NOM1: variants seen among roughly 807,000 people sequenced by gnomAD.
NOM1 encodes the protein nucleolar protein with MIF4G domain 1.
A neutral mutation model predicts 73.3 loss-of-function variants in NOM1; 58 were observed. The ratio of observed to expected loss-of-function variants is 0.79; its 90% confidence interval spans 0.64 to 0.99. The LOEUF is 0.99. NOM1 is among the 50% of genes least tolerant of loss of function. NOM1 has a pLI of 0.00. For missense variants in NOM1, 1,226 were observed against 1,131.9 expected, an observed-to-expected ratio of 1.08 and a Z score of -1.19; for synonymous variants, 487 against 446.8, an observed-to-expected ratio of 1.09 and a Z score of -1.14.
chr7:156,969,760 C>G lies in NOM1; in HGVS notation c.*57C>G. The G allele has an allele frequency of 6.6e-7, 1 of 1,518,856 alleles. No homozygotes were observed. 94.1% of individuals were successfully genotyped at this position (1,518,856 alleles called of 1,614,324 possible). A position where few individuals can be genotyped will look rare whatever the true frequency, so the allele number is the denominator to read the frequency against. On this transcript the variant is annotated 3_prime_UTR_variant, in exon 11 of 11. Coordinates refer to ENST00000275820, the MANE Select transcript of NOM1 (RefSeq NM_138400.2). ...GACTGTAAAATGTCCTTGGTAAACC[C>G]AAAGGCTTATTCTGTTGCCTGCGTG...
chr7:156,959,134 G>T (rs964506056), intron 3 of NOM1, among the ~76,000 whole-genome samples: 4 of 149,382 alleles, frequency 2.7e-5, no homozygotes, highest in African/African-American at 9.9e-5. Context: ...ACAGAGTCTT[G>T]CTCTGTCGCC....
In NOM1 at chr7:156,964,018, G is replaced by C; in HGVS notation, c.2025G>C (p.Lys675Asn). ...TSEDFLDAFEKLLKLGLKDQQ... is the reference protein window; with the variant it reads ...TSEDFLDAFENLLKLGLKDQQ... ...AAGATTTTTTGGATGCTTTTGAAAA[G>C]CTTCTGAAGTAAGCATTTGTGTGCA... Residue 675 changes from lysine (K) to asparagine (N), a missense_variant, in exon 7 of 11, where the codon AAG (lysine) becomes AAC (asparagine). Transcript: ENST00000275820. 3 of 1,613,102 alleles carry C rather than the reference G, an allele frequency of 1.9e-6. No individual in the cohort carries two copies. Among genetic ancestry groups the C allele is most frequent in the Non-Finnish European group, 2.5e-6 (3 of 1,179,514 alleles).
At position 156,968,685 on chromosome 7, in the gene NOM1, TTTTATATATATATATATATATATATATA is replaced by T. The variant is rs1805064585; in HGVS notation, c.2299-400_2299-373del. On this transcript the variant is annotated intron_variant, in intron 9 of 10. Coordinates refer to ENST00000275820, the MANE Select transcript of NOM1 (RefSeq NM_138400.2). Reference sequence around the variant, plus strand: ...TATGGATTAGTCTTCTAGAAGTAAATTTTATATATATATATATATATATATATATATATATATATATATATATAGTTTT... The same window carrying T: ...TATGGATTAGTCTTCTAGAAGTAAATTATATATATATATATATATAGTTTT... 3.1e-5 allele frequency: 3 copies of T among 97,474 alleles called. No individual in the cohort carries two copies. In the South Asian group the frequency reaches 9.9e-4, roughly 32 times the overall value. The allele number at this position is 97,474 out of a possible 1,614,324, so 6.0% of individuals were successfully genotyped here. A position where few individuals can be genotyped will look rare whatever the true frequency, so the allele number is the denominator to read the frequency against.
At chr7:156,956,689 TG>T (rs1257001389) in intron 3 of NOM1, among the ~76,000 whole-genome samples, 1 of 152,222 alleles carries the variant, frequency 6.6e-6, no homozygotes, top group Admixed American at 6.5e-5. Context: ...CTGAGCTACA[TG>T]GGTCATCTCA....
At chr7:156,952,684 G>T in intron 2 of NOM1, 86 bp downstream of exon 2, 1 of 1,415,500 alleles carries the variant, frequency 7.1e-7, no homozygotes, top group Non-Finnish European at 9.8e-7. Context: ...AATTCAAATA[G>T]AAGTGATGGG....
chr7:156,971,060 A>G lies in NOM1; in HGVS notation c.*1357A>G, dbSNP rs1563689111. 1 of 152,254 alleles carries G rather than the reference A, an allele frequency of 6.6e-6. No individual in the cohort carries two copies. The highest frequency in any genetic ancestry group is 1.5e-5 in the Non-Finnish European group (1 of 68,044). 9.4% of individuals were successfully genotyped at this position (152,254 alleles called of 1,614,324 possible). ...AACAAACACACCCCACTCACTAAGT[A>G]TGGAAAACTGATTCTGGGAGGAAGC... On this transcript the variant is annotated 3_prime_UTR_variant, in exon 11 of 11. Transcript: ENST00000275820.
chr7:156,962,091 G>C (rs947108902), intron 4 of NOM1, 60 bp from the exon 5 acceptor site: 9 of 1,426,064 alleles, frequency 6.3e-6, no homozygotes, highest in Admixed American at 1.7e-5. Flanking sequence ...TTGCCAACTT[G>C]AATGGGCCGT....
At position 156,959,983 on chromosome 7, in the gene NOM1, C is replaced by G; in HGVS notation, c.1441C>G (p.Leu481Val). The G allele has an allele frequency of 6.2e-7, 1 of 1,614,142 alleles. No individual in the cohort carries two copies. Among genetic ancestry groups the G allele is most frequent in the Non-Finnish European group, 8.5e-7 (1 of 1,180,026 alleles). Residue 481 changes from leucine to valine, a missense_variant, in exon 4 of 11, where the codon CTC becomes GTC. By Grantham distance (32) the Leu-to-Val change is conservative. Coordinates refer to ENST00000275820, the MANE Select transcript of NOM1 (RefSeq NM_138400.2). ...ATACAACTTCCACGTGGTACAGTCT[C>G]TCCTCATCTTCGACATTTTGAAAAA... ...HLYNFHVVQS[L>V]LIFDILKKLI...
In NOM1 at chr7:156,960,066, C is replaced by T. The variant is rs555962086; in HGVS notation, c.1524C>T (p.Asn508=). The T allele has an allele frequency of 2.3e-5, 37 of 1,614,098 alleles. No homozygotes were observed. Among genetic ancestry groups the T allele is most frequent in the African/African-American group, 2.3e-4 (17 of 75,022 alleles). ...AACTGATCTTGTTAATGCTGAAAAACGTGGGTTTTTCATTGAGGAAAGATG... is the reference window on the plus strand; with the variant it reads ...AACTGATCTTGTTAATGCTGAAAAATGTGGGTTTTTCATTGAGGAAAGATG... ...DIELILLMLK[N]VGFSLRKDDA... The change falls in exon 4 of 11, where the codon AAC becomes AAT. Residue 508 remains asparagine, a synonymous_variant. Coordinates refer to ENST00000275820, the MANE Select transcript of NOM1 (RefSeq NM_138400.2).
intron 9 of NOM1, among the ~76,000 whole-genome samples, chr7:156,968,276 G>A (rs897254796): frequency 6.6e-6 from 1 of 152,176 alleles, no homozygotes; most frequent in Non-Finnish European, 1.5e-5. Context: ...ACCGATGAGC[G>A]GGAGAGGCGT....
In NOM1 at chr7:156,949,921, C is replaced by A. The variant is rs144364133; in HGVS notation, c.184C>A (p.Pro62Thr). Reference protein sequence around the residue: ...FVHATSEGEAPGGCEGRGAPV... With the variant: ...FVHATSEGEATGGCEGRGAPV... ...GCACGCGACTTCGGAAGGCGAGGCT[C>A]CCGGGGGTTGCGAGGGGCGCGGCGC... The change falls in exon 1 of 11, where the codon CCC becomes ACC. Residue 62 changes from proline to threonine, a missense_variant. Pro to Thr is a conservative substitution (Grantham distance 38, BLOSUM62 -1). Coordinates refer to ENST00000275820, the MANE Select transcript of NOM1 (RefSeq NM_138400.2). 1.3e-6 allele frequency: 2 copies of A among 1,542,254 alleles called. No homozygotes were observed. Among genetic ancestry groups the A allele is most frequent in the African/African-American group, 2.7e-5 (2 of 72,908 alleles).
intron 3 of NOM1, among the ~76,000 whole-genome samples, chr7:156,959,575 T>C (rs1024927282): frequency 4.6e-5 from 7 of 152,268 alleles, no homozygotes; most frequent in Admixed American, 3.3e-4. Context: ...ATAGGTGTGT[T>C]TTTAACATCA....
At chr7:156,967,451 A>G (rs2134798772) in intron 9 of NOM1, among the ~76,000 whole-genome samples, 2 of 152,242 alleles carry the variant, frequency 1.3e-5, no homozygotes, top group South Asian at 4.1e-4. Context: ...GCTCACGTTG[A>G]TGTAAGGTGT....
intron 3 of NOM1, among the ~76,000 whole-genome samples, chr7:156,958,066 C>T (rs1804771345): frequency 7.1e-6 from 1 of 141,708 alleles, no homozygotes. Context: ...AGTCTGTTGC[C>T]TTTCTCTGGA....
In NOM1 at chr7:156,960,110, A is replaced by G; in HGVS notation, c.1568A>G (p.Glu523Gly). The change falls in exon 4 of 11, where the codon GAA becomes GGA. Residue 523 changes from glutamate (E) to glycine (G), a missense_variant. By Grantham distance (98) the Glu-to-Gly change is moderately conservative (BLOSUM62 -2). Coordinates refer to ENST00000275820, the MANE Select transcript of NOM1 (RefSeq NM_138400.2). ...LRKDDALSLKELITEAQTKAS... is the reference protein window; with the variant it reads ...LRKDDALSLKGLITEAQTKAS... ...AAAGATGATGCTTTATCACTTAAGGAATTGATCACTGAAGCCCAGACCAAA... is the reference window on the plus strand; with the variant it reads ...AAAGATGATGCTTTATCACTTAAGGGATTGATCACTGAAGCCCAGACCAAA... The G allele has an allele frequency of 5.6e-6, 9 of 1,614,168 alleles. No homozygotes were observed. The highest frequency in any genetic ancestry group is 7.6e-6 in the Non-Finnish European group (9 of 1,180,034).
chr7:156,961,423 A>G (rs753679947), intron 4 of NOM1, among the ~76,000 whole-genome samples: 1 of 152,132 alleles, frequency 6.6e-6, no homozygotes, highest in Non-Finnish European at 1.5e-5. Context: ...AGCGGGCTCA[A>G]TGGTGGTTTC....
chr7:156,952,540 T>C lies in NOM1; in HGVS notation c.1054T>C (p.Phe352Leu). The C allele has an allele frequency of 6.2e-7, 1 of 1,614,062 alleles. No individual in the cohort carries two copies. The highest frequency in any genetic ancestry group is 8.5e-7 in the Non-Finnish European group (1 of 1,179,960). The change falls in exon 2 of 11, where the codon TTC (phenylalanine) becomes CTC (leucine). Residue 352 changes from phenylalanine to leucine, a missense_variant. By Grantham distance (22) the Phe-to-Leu change is conservative. Coordinates refer to ENST00000275820, the MANE Select transcript of NOM1 (RefSeq NM_138400.2). ...GAGGCAAGCTGAGGAGACAGTGGAC[T>C]TCAAGAAAAAGGAAGAACTAGAAAG... ...HVRQAEETVDFKKKEELERLK... is the reference protein window; with the variant it reads ...HVRQAEETVDLKKKEELERLK...
At chr7:156,956,466 G>A (rs972078809) in intron 3 of NOM1, among the ~76,000 whole-genome samples, 8 of 152,230 alleles carry the variant, frequency 5.3e-5, no homozygotes, top group African/African-American at 1.9e-4. Flanking sequence ...ATGTACAGAA[G>A]GAGATTTTCG....
At chr7:156,968,023 G>T (rs1432940681) in intron 9 of NOM1, among the ~76,000 whole-genome samples, 1 of 152,190 alleles carries the variant, frequency 6.6e-6, no homozygotes, top group African/African-American at 2.4e-5. Flanking sequence ...ACAGCTTCCC[G>T]TGTGTTTCTG....
Sources: allele counts gnomAD v4.1 joint callset (sites outside exome capture counted in the v4.1 genomes callset), GRCh38; gene constraint gnomAD v4.1.1; transcripts MANE v1.5; gene names NCBI Gene and HGNC (gene_info 2026-07-23, HGNC 2026-07-21).